Variants in ERBB4 observed in about 807,000 individuals in gnomAD.
The protein encoded by ERBB4 is receptor tyrosine-protein kinase erbB-4.
ERBB4 carries 42 observed loss-of-function variants against 158.0 expected under a neutral mutation model. The observed-to-expected ratio is 0.27, with a 90% CI of 0.21 to 0.34. The LOEUF (loss-of-function observed/expected upper bound fraction) is 0.34. Ranked by LOEUF, ERBB4 falls within the 10% of genes least tolerant of loss-of-function variation. The pLI is 1.00. For missense variants in ERBB4, 1,333 were observed against 1,624.1 expected, an observed-to-expected ratio of 0.82 and a Z score of 3.08; for synonymous variants, 583 against 558.7, an observed-to-expected ratio of 1.04 and a Z score of -0.61.
intron 1 of ERBB4, 33 bp downstream of exon 1, chr2:212,538,416 G>A (rs1276323313): frequency 1.2e-6 from 2 of 1,602,438 alleles, no homozygotes; most frequent in Non-Finnish European, 8.6e-7. Context: ...GGCGGCTGCA[G>A]GTTCGGCGAC....
chr2:212,528,585 G>C (rs1692576729), intron 1 of ERBB4, among the ~76,000 whole-genome samples: 1 of 152,126 alleles, frequency 6.6e-6, no homozygotes, highest in Non-Finnish European at 1.5e-5. Flanking sequence ...TTACTCGGCA[G>C]ACTGTTAGGT....
At chr2:212,251,313 C>G (rs2084524516) in intron 1 of ERBB4, among the ~76,000 whole-genome samples, 1 of 151,886 alleles carries the variant, frequency 6.6e-6, no homozygotes, top group Non-Finnish European at 1.5e-5. Context: ...TTTATTTATT[C>G]ATTTATTTGA....
At chr2:212,199,866 C>A (rs1468277087) in intron 1 of ERBB4, among the ~76,000 whole-genome samples, 1 of 120,042 alleles carries the variant, frequency 8.3e-6, no homozygotes, top group African/African-American at 4.0e-5. Flanking sequence ...CCAGTCTGAC[C>A]TATGTCCCTA....
chr2:211,930,322 A>T (rs1054026003), intron 3 of ERBB4, among the ~76,000 whole-genome samples: 1 of 152,196 alleles, frequency 6.6e-6, no homozygotes, highest in Non-Finnish European at 1.5e-5. Flanking sequence ...AAACTTTTAC[A>T]GTGGTTCTAA....
intron 3 of ERBB4, among the ~76,000 whole-genome samples, chr2:211,941,486 A>G (rs1462193989): frequency 6.6e-6 from 1 of 151,894 alleles, no homozygotes; most frequent in African/African-American, 2.4e-5. Flanking sequence ...GTAGGTCAAG[A>G]CAAATGTCAG....
At chr2:211,523,297 C>A (rs191792324) in intron 20 of ERBB4, among the ~76,000 whole-genome samples, 1 of 146,172 alleles carries the variant, frequency 6.8e-6, no homozygotes, top group Non-Finnish European at 1.5e-5. Context: ...CCTCACACAT[C>A]CCCCCACAGC....
At chr2:212,467,124 G>T (rs916859101) in intron 1 of ERBB4, among the ~76,000 whole-genome samples, 1 of 152,136 alleles carries the variant, frequency 6.6e-6, no homozygotes, top group African/African-American at 2.4e-5. Flanking sequence ...GTTGTCAAGG[G>T]CATTCAGTTT....
chr2:212,294,748 A>T (rs1440953650), intron 1 of ERBB4, among the ~76,000 whole-genome samples: 1 of 152,120 alleles, frequency 6.6e-6, no homozygotes, highest in African/African-American at 2.4e-5. Flanking sequence ...TATGATAATT[A>T]AAAAGTATAC....
chr2:211,752,783 C>T (rs578216909), intron 4 of ERBB4, among the ~76,000 whole-genome samples: 13 of 151,368 alleles, frequency 8.6e-5, no homozygotes, highest in Non-Finnish European at 1.8e-4. Flanking sequence ...CAAGGCCCAC[C>T]TATTTGAAAA....
intron 2 of ERBB4, among the ~76,000 whole-genome samples, chr2:212,016,069 T>A (rs2076522583): frequency 6.6e-6 from 1 of 151,758 alleles, no homozygotes; most frequent in African/African-American, 2.4e-5. Context: ...CCAGGAATAA[T>A]GTATTAGACA....
At chr2:212,361,927 C>T (rs943825796) in intron 1 of ERBB4, among the ~76,000 whole-genome samples, 5 of 151,416 alleles carry the variant, frequency 3.3e-5, no homozygotes, top group Non-Finnish European at 7.4e-5. Context: ...TTTTAATAGA[C>T]AATATAATAA....
chr2:211,884,550 C>T (rs565018578), intron 3 of ERBB4, among the ~76,000 whole-genome samples: 2 of 152,262 alleles, frequency 1.3e-5, no homozygotes, highest in Non-Finnish European at 2.9e-5. Flanking sequence ...TCCTAAAGGG[C>T]CATCCTACCC....
At chr2:211,845,633 T>A (rs1209350447) in intron 3 of ERBB4, among the ~76,000 whole-genome samples, 1 of 152,164 alleles carries the variant, frequency 6.6e-6, no homozygotes, top group Admixed American at 6.6e-5. Context: ...CCTTTGTGAA[T>A]GGGAACCTCA....
At chr2:211,772,966 T>TA in intron 4 of ERBB4, among the ~76,000 whole-genome samples, 1 of 134,822 alleles carries the variant, frequency 7.4e-6, no homozygotes, top group African/African-American at 2.8e-5. Context: ...TTTTTTTTTT[T>TA]AAAGATGGGG....
chr2:211,561,770 T>G (rs2067399485), intron 20 of ERBB4, 133 bp downstream of exon 20: 1 of 792,498 alleles, frequency 1.3e-6, no homozygotes, highest in Non-Finnish European at 2.2e-6. Flanking sequence ...CTCTGTTATG[T>G]ATCTTTCATT....
At chr2:211,813,609 T>C (rs2076810464) in intron 3 of ERBB4, among the ~76,000 whole-genome samples, 2 of 152,094 alleles carry the variant, frequency 1.3e-5, no homozygotes, top group South Asian at 2.1e-4. Flanking sequence ...TAAATAACAC[T>C]TTTTTTCTGG....
At chr2:211,560,217 G>A (rs2067347675) in intron 20 of ERBB4, among the ~76,000 whole-genome samples, 2 of 139,696 alleles carry the variant, frequency 1.4e-5, no homozygotes, top group Non-Finnish European at 3.0e-5. Flanking sequence ...AAATTGTAGA[G>A]ACACAGCAGA....
intron 2 of ERBB4, among the ~76,000 whole-genome samples, chr2:212,053,457 A>C (rs2077460111): frequency 6.6e-6 from 1 of 151,834 alleles, no homozygotes; most frequent in African/African-American, 2.4e-5. Context: ...CCACAACTCT[A>C]TTTCATGCAA....
Position 211,657,765 on chromosome 2 carries a change from T to C in ERBB4, c.1935A>G (p.Pro645=), listed in dbSNP as rs2071272360. The C allele has an allele frequency of 3.1e-6, 5 of 1,613,156 alleles. No individual in the cohort carries two copies. The highest frequency in any genetic ancestry group is 2.2e-5 in the South Asian group (2 of 91,060). Residue 645 remains proline, a synonymous_variant, in exon 16 of 28, where the codon CCA becomes CCG. Coordinates refer to ENST00000342788, the MANE Select transcript of ERBB4 (RefSeq NM_005235.3). ...YYPWTGHSTL[P]QHARTPLIAA... ...ATGGTAGATGTTACCTAGCATGTTGTGGTAAAGTGGAATGGCCCGTCCATG... is the reference window on the plus strand; with the variant it reads ...ATGGTAGATGTTACCTAGCATGTTGCGGTAAAGTGGAATGGCCCGTCCATG...
Sources: allele counts gnomAD v4.1 joint callset (sites outside exome capture counted in the v4.1 genomes callset), GRCh38; gene constraint gnomAD v4.1.1; transcripts MANE v1.5; gene names NCBI Gene and HGNC (gene_info 2026-07-23, HGNC 2026-07-21).